ARCN1: variants seen among roughly 807,000 people sequenced by gnomAD.
ARCN1 encodes archain 1 coat protein complex I subunit delta, also known as coatomer subunit delta.
Under a neutral mutation model 60.4 loss-of-function variants are expected in ARCN1, and 5 were observed. The observed-to-expected ratio is 0.08, with a 90% CI of 0.04 to 0.17. The LOEUF (loss-of-function observed/expected upper bound fraction) is 0.17. Ranked by LOEUF, ARCN1 falls within the 10% of genes least tolerant of loss-of-function variation. ARCN1 has a pLI of 1.00. For missense variants in ARCN1, 464 were observed against 626.5 expected (o/e 0.74, Z 2.77); for synonymous variants, 224 against 220.0 (o/e 1.02, Z -0.16).
In ARCN1 at chr11:118,583,959, A is replaced by G; in HGVS notation, c.598A>G (p.Ile200Val). 6.2e-7 allele frequency: 1 copy of G among 1,614,250 alleles called. No individual in the cohort carries two copies. The change falls in exon 4 of 10, where the codon ATC becomes GTC. Residue 200 changes from isoleucine to valine, a missense_variant. Physicochemically the swap from Ile to Val is conservative, Grantham distance 29 (BLOSUM62 3). Around this residue, in one of 2 missense-constraint regions of ARCN1, gnomAD observed 359 missense variants for 440.2 expected, o/e 0.82. Coordinates refer to ENST00000264028, the MANE Select transcript of ARCN1 (RefSeq NM_001655.5). The stretch of plus-strand genomic sequence containing the variant: ...ATCTGGAGGCAGCACAGCTGCCATG[A>G]TCACAGAGACCATCATTGAAACTGA... The part of the protein sequence containing the change: ...AVSGGSTAAM[I>V]TETIIETDKP...
At position 118,583,830 on chromosome 11, in the gene ARCN1, G is replaced by A; in HGVS notation, c.469G>A (p.Ala157Thr). 1 of 1,614,166 alleles carries A rather than the reference G, an allele frequency of 6.2e-7. No individual in the cohort carries two copies. Among genetic ancestry groups the A allele is most frequent in the Non-Finnish European group, 8.5e-7 (1 of 1,180,034 alleles). The change falls in exon 4 of 10, where the codon GCT becomes ACT. Residue 157 changes from alanine (A) to threonine (T), a missense_variant. Ala to Thr is a moderately conservative substitution (Grantham distance 58). Around this residue, in one of 2 missense-constraint regions of ARCN1, gnomAD observed 359 missense variants for 440.2 expected, o/e 0.82. Coordinates refer to ENST00000264028, the MANE Select transcript of ARCN1 (RefSeq NM_001655.5). Reference protein sequence around the residue: ...VRETQEREAKAEMRRKAKELQ... With the variant: ...VRETQEREAKTEMRRKAKELQ... ...GTAGACTCAAGAACGTGAAGCTAAG[G>A]CTGAGATGCGTCGTAAAGCAAAGGA...
chr11:118,587,141 G>A (rs141813574), intron 5 of ARCN1, among the ~76,000 whole-genome samples: 1 of 152,152 alleles, frequency 6.6e-6, no homozygotes, highest in Non-Finnish European at 1.5e-5. Context: ...TACTGAATAT[G>A]AATAGATTGT....
In ARCN1 at chr11:118,580,523, CTT is replaced by C. The variant is rs374211513; in HGVS notation, c.4-718_4-717del. Among the ~76,000 whole-genome samples, 137 of 152,178 alleles carry C rather than the reference CTT, an allele frequency of 9.0e-4. 3 individuals are homozygous for C. The East Asian group carries it at 0.012, about 14-fold the overall frequency. Reference sequence around the variant, plus strand: ...TGGAAGGATTCAAAACTACACAACTCTTTTTTAAAAATATATAAGTATTCCTT... The same window carrying C: ...TGGAAGGATTCAAAACTACACAACTCTTTTAAAAATATATAAGTATTCCTT... On this transcript the variant is annotated intron_variant, in intron 1 of 9. Transcript: ENST00000264028.
At position 118,600,717 on chromosome 11, in the gene ARCN1, C is replaced by G; in HGVS notation, c.*3C>G. 6.3e-7 allele frequency: 1 copy of G among 1,588,464 alleles called. No individual in the cohort carries two copies. Among genetic ancestry groups the G allele is most frequent in the Admixed American group, 1.8e-5 (1 of 55,574 alleles). On this transcript the variant is annotated 3_prime_UTR_variant, in exon 10 of 10. Transcript: ENST00000264028. ...TGGATAAGTATGAAATTCTGTAATA[C>G]CAAGAAGAGGGAGCTGAAAAGGAAA...
intron 5 of ARCN1, among the ~76,000 whole-genome samples, chr11:118,587,296 T>C (rs886124017): frequency 3.0e-4 from 46 of 152,218 alleles, no homozygotes; most frequent in African/African-American, 9.9e-4. Flanking sequence ...TGGAGACAAC[T>C]AGTATTAACA....
In ARCN1 at chr11:118,591,821, A is replaced by T. The variant is rs183679318; in HGVS notation, c.985-888A>T. ...ACAACCTTGGCTCGCTGCAGCCTTA[A>T]CCTCCTAGGCTCAAGCAATGCTTCC... On this transcript the variant is annotated intron_variant, in intron 6 of 9. Coordinates refer to ENST00000264028, the MANE Select transcript of ARCN1 (RefSeq NM_001655.5). Among the ~76,000 whole-genome samples the T allele has an allele frequency of 5.3e-3, 803 of 150,190 alleles. 1 individual carries two copies. The highest frequency in any genetic ancestry group is 9.1e-3 in the Non-Finnish European group (615 of 67,602).
chr11:118,581,044 C>T (rs377311254), intron 1 of ARCN1, among the ~76,000 whole-genome samples: 1 of 152,110 alleles, frequency 6.6e-6, no homozygotes, highest in African/African-American at 2.4e-5. Flanking sequence ...TTCTTGAGCC[C>T]AGGAGTTTGA....
chr11:118,584,360 A>T, intron 4 of ARCN1, 120 bp from the exon 5 acceptor site: 1 of 897,802 alleles, frequency 1.1e-6, no homozygotes, highest in Non-Finnish European at 1.6e-6. Flanking sequence ...ACCCAAAATT[A>T]TATACAAAAT....
rs1555075083 is a variant in ARCN1, at chr11:118,584,001, C to G, written c.640C>G (p.Pro214Ala). The stretch of plus-strand genomic sequence containing the variant: ...TGAAACTGATAAACCAAAAGTGGCA[C>G]CTGCACCAGCCAGGTATAATCCAGT... Reference protein sequence around the residue: ...IIETDKPKVAPAPARPSGPSK... With the variant: ...IIETDKPKVAAAPARPSGPSK... The change falls in exon 4 of 10, where the codon CCT (proline) becomes GCT (alanine). Residue 214 changes from proline to alanine, a missense_variant. Physicochemically the swap from Pro to Ala is conservative, Grantham distance 27. This residue lies in a region of ARCN1 where 359 missense variants were observed against 440.2 expected (regional missense o/e 0.82). Coordinates refer to ENST00000264028, the MANE Select transcript of ARCN1 (RefSeq NM_001655.5). 6.2e-7 allele frequency: 1 copy of G among 1,614,022 alleles called. No homozygotes were observed. The highest frequency in any genetic ancestry group is 2.2e-5 in the East Asian group (1 of 44,896).
rs945116972 is a variant in ARCN1, at chr11:118,601,406, T to C, written c.*692T>C. 6.8e-6 allele frequency: 4 copies of C among 587,030 alleles called. No homozygotes were observed. Among genetic ancestry groups the C allele is most frequent in the African/African-American group, 1.9e-5 (1 of 53,252 alleles). 36.4% of individuals were successfully genotyped at this position (587,030 alleles called of 1,614,324 possible). Reference sequence around the variant, plus strand: ...TAAATATAATCCCTAAATATAGTTATATTTCATACTTAGTTTGTTTTTAAA... The same window carrying C: ...TAAATATAATCCCTAAATATAGTTACATTTCATACTTAGTTTGTTTTTAAA... On this transcript the variant is annotated 3_prime_UTR_variant, in exon 10 of 10. Transcript: ENST00000264028.
intron 1 of ARCN1, among the ~76,000 whole-genome samples, chr11:118,578,284 T>G (rs1294785801): frequency 6.6e-5 from 10 of 152,128 alleles, no homozygotes; most frequent in African/African-American, 1.9e-4. Flanking sequence ...TTTACCTAAA[T>G]TTTACTTGTA....
rs199614082 is a variant in ARCN1 at position 118,597,930 on chromosome 11, G to C, written c.1446+19G>C. ...CATACAGGTACTCCATTTTAGTTGA[G>C]AACATATATAGGGAAAGTGGTAGGA... On this transcript the variant is annotated intron_variant, in intron 9 of 9. Coordinates refer to ENST00000264028, the MANE Select transcript of ARCN1 (RefSeq NM_001655.5). The C allele has an allele frequency of 2.5e-6, 4 of 1,612,882 alleles. No homozygotes were observed. In the African/African-American group the frequency reaches 4.0e-5, roughly 16 times the overall value.
At chr11:118,591,196 T>C (rs1410252461) in intron 6 of ARCN1, among the ~76,000 whole-genome samples, 2 of 152,268 alleles carry the variant, frequency 1.3e-5, no homozygotes, top group African/African-American at 4.8e-5. Context: ...TGCTTTATGT[T>C]ACAGGTGTTC....
Position 118,572,482 on chromosome 11 carries a change from T to C in ARCN1, c.-66T>C, listed in dbSNP as rs1488373800. 1.9e-6 allele frequency: 3 copies of C among 1,575,346 alleles called. No homozygotes were observed. Among genetic ancestry groups the C allele is most frequent in the African/African-American group, 1.4e-5 (1 of 73,728 alleles). ...GGTCCAGAGCTGCTGGTGCTCCCGT[T>C]CCCCAGACCCTACCCCTATCCCCAG... is the stretch of plus-strand genomic sequence containing the variant. On this transcript the variant is annotated 5_prime_UTR_variant, in exon 1 of 10. Transcript: ENST00000264028.
intron 5 of ARCN1, among the ~76,000 whole-genome samples, chr11:118,589,529 A>G (rs1938850662): frequency 6.6e-6 from 1 of 151,944 alleles, no homozygotes; most frequent in Admixed American, 6.6e-5. Flanking sequence ...TCCTGAGTTC[A>G]CGTCATTCTC....
At position 118,593,657 on chromosome 11, in the gene ARCN1, T is replaced by A. The variant is rs1014561235; in HGVS notation, c.1200T>A (p.Asp400Glu). 1.5e-5 allele frequency: 24 copies of A among 1,613,518 alleles called. No homozygotes were observed. Among genetic ancestry groups the A allele is most frequent in the African/African-American group, 2.7e-5 (2 of 74,888 alleles). Reference sequence around the variant, plus strand: ...ACATAGAATATGAGCTACAAGAAGATAATTTAGAACTGAATGATGTGGTTA... The same window carrying A: ...ACATAGAATATGAGCTACAAGAAGAAAATTTAGAACTGAATGATGTGGTTA... ...DVNIEYELQE[D>E]NLELNDVVIT... is the part of the protein sequence containing the mutation. The change falls in exon 8 of 10, where the codon GAT becomes GAA. Residue 400 changes from aspartate (D) to glutamate (E), a missense_variant. Coordinates refer to ENST00000264028, the MANE Select transcript of ARCN1 (RefSeq NM_001655.5).
At chr11:118,598,580 C>T (rs905800375) in intron 9 of ARCN1, among the ~76,000 whole-genome samples, 2 of 150,434 alleles carry the variant, frequency 1.3e-5, no homozygotes, top group South Asian at 2.1e-4. Context: ...CCGCAACCTC[C>T]GCCTCCCAGG....
intron 1 of ARCN1, among the ~76,000 whole-genome samples, chr11:118,580,183 C>T (rs974484879): frequency 1.3e-5 from 2 of 152,102 alleles, no homozygotes; most frequent in South Asian, 4.1e-4. Flanking sequence ...ATTTGCCAGG[C>T]ATGATGGCAC....
chr11:118,575,623 A>G (rs1290763953), intron 1 of ARCN1, among the ~76,000 whole-genome samples: 8 of 152,238 alleles, frequency 5.3e-5, no homozygotes, highest in African/African-American at 1.9e-4. Context: ...CCTGACAATT[A>G]TAGAAACTAG....
Sources: gnomAD v4.1 joint callset for allele counts (sites outside exome capture counted in the v4.1 genomes callset) on GRCh38, gnomAD v4.1.1 for gene constraint, gnomAD v4.1.1 regional missense constraint, MANE v1.5 for transcripts, NCBI Gene and HGNC (gene_info 2026-07-23, HGNC 2026-07-21) for gene names.